VPS26C: variants seen among roughly 807,000 people sequenced by gnomAD.
VPS26C encodes vacuolar protein sorting-associated protein 26C.
A neutral mutation model predicts 30.6 loss-of-function variants in VPS26C; 19 were observed. The ratio of observed to expected loss-of-function variants is 0.62; its 90% CI spans 0.43 to 0.91. The LOEUF (loss-of-function observed/expected upper bound fraction) is 0.91, where lower values mean the gene tolerates loss of function less well. Among genes scored for constraint, VPS26C ranks in the 40% least tolerant of loss-of-function variants. The probability of loss-of-function intolerance (pLI) is 0.00; values close to 1 mark genes in which losing one functional copy is unlikely to be tolerated. For synonymous variants in VPS26C, 132 were observed against 151.5 expected (o/e 0.87, Z 0.95); for missense variants, 318 against 385.1 (o/e 0.83, Z 1.46).
At chr21:37,252,399 T>C (rs568414157) in intron 1 of VPS26C, among the ~76,000 whole-genome samples, 24 of 152,316 alleles carry the variant, frequency 1.6e-4, no homozygotes, top group Admixed American at 7.8e-4. Context: ...CAGATAGTTC[T>C]CCACATGGTA....
At chr21:37,266,003 C>T (rs1016905229) in intron 1 of VPS26C, among the ~76,000 whole-genome samples, 9 of 150,410 alleles carry the variant, frequency 6.0e-5, no homozygotes, top group African/African-American at 2.0e-4. Flanking sequence ...CTGCAGCCTC[C>T]GCCTCCCGGG....
upstream of VPS26C, chr21:37,267,533 G>A: frequency 8.9e-6 from 5 of 564,536 alleles, no homozygotes; most frequent in South Asian, 8.3e-5. Flanking sequence ...GGTTCACCCC[G>A]CCCCCTCTGG....
At position 37,267,289 on chromosome 21, in the gene VPS26C, C is replaced by T; in HGVS notation, c.6G>A (p.Gly2=). The T allele has an allele frequency of 7.1e-7, 1 of 1,403,548 alleles. No individual in the cohort carries two copies. The highest frequency in any genetic ancestry group is 1.5e-5 in the African/African-American group (1 of 67,112). The allele number at this position is 1,403,548 out of a possible 1,614,324, so 86.9% of individuals were successfully genotyped here. Residue 2 remains glycine, a synonymous_variant, in exon 1 of 8, where the codon GGG becomes GGA. Coordinates refer to ENST00000309117, the MANE Select transcript of VPS26C (RefSeq NM_006052.2). M[G]TALDIKIKRA... Reference sequence around the variant, plus strand: ...TTTTAATCTTGATGTCCAGGGCGGTCCCCATCTCCAATTCTCCGCAGCAGC... The same window carrying T: ...TTTTAATCTTGATGTCCAGGGCGGTTCCCATCTCCAATTCTCCGCAGCAGC...
intron 3 of VPS26C, among the ~76,000 whole-genome samples, chr21:37,235,883 T>A (rs925998508): frequency 1.1e-4 from 16 of 146,148 alleles, no homozygotes; most frequent in African/African-American, 3.3e-4. Context: ...ATATATATTT[T>A]TTTTTTTAAT....
chr21:37,234,111 TC>T (rs2085995328), intron 3 of VPS26C, among the ~76,000 whole-genome samples: 4 of 152,308 alleles, frequency 2.6e-5, no homozygotes, highest in Admixed American at 2.6e-4. Context: ...AAGCTCAAGG[TC>T]ACACCTGGTC....
intron 1 of VPS26C, among the ~76,000 whole-genome samples, chr21:37,265,842 G>A (rs2086353479): frequency 6.7e-6 from 1 of 149,148 alleles, no homozygotes; most frequent in African/African-American, 2.5e-5. Flanking sequence ...GTGAAGTGGT[G>A]TTCATTGTTG....
At chr21:37,249,920 T>G (rs1318792038) in intron 1 of VPS26C, among the ~76,000 whole-genome samples, 1 of 152,128 alleles carries the variant, frequency 6.6e-6, no homozygotes, top group African/African-American at 2.4e-5. Flanking sequence ...GAAGCTAATG[T>G]TTGATAAAGG....
At position 37,226,696 on chromosome 21, in the gene VPS26C, G is replaced by A. The variant is rs1182699597; in HGVS notation, c.811+958C>T. 6.6e-6 allele frequency: 1 copy of A among 152,206 alleles called. No individual in the cohort carries two copies. Among genetic ancestry groups the A allele is most frequent in the African/African-American group, 2.4e-5 (1 of 41,452 alleles). 9.4% of individuals were successfully genotyped at this position (152,206 alleles called of 1,614,324 possible). ...TACCCAGGCGCTGCTTAGAGTCCGAGTGAGTTCCAGTCTCGGGCCTGACCG... is the reference window on the plus strand; with the variant it reads ...TACCCAGGCGCTGCTTAGAGTCCGAATGAGTTCCAGTCTCGGGCCTGACCG... On this transcript the variant is annotated intron_variant, in intron 7 of 7. Transcript: ENST00000309117. The surrounding 1 kb of genome is among the most constrained non-coding windows in gnomAD (Gnocchi z 4.1).
chr21:37,250,668 G>A (rs1019591788), intron 1 of VPS26C, among the ~76,000 whole-genome samples: 1 of 152,210 alleles, frequency 6.6e-6, no homozygotes, highest in Admixed American at 6.5e-5. Flanking sequence ...TTGGGAGGCC[G>A]AGGTGGGTGG....
chr21:37,227,166 G>A (rs75023989), intron 7 of VPS26C: 6,961 of 153,730 alleles, frequency 0.045, 412 homozygotes, highest in Admixed American at 0.13. Context: ...GGGTTTTCAC[G>A]GGTCCTGGAC....
intron 1 of VPS26C, among the ~76,000 whole-genome samples, chr21:37,243,771 G>A (rs139661265): frequency 2.5e-4 from 38 of 152,082 alleles, no homozygotes; most frequent in African/African-American, 8.0e-4. Flanking sequence ...AGAGCCAATC[G>A]CCCATCAATG....
At chr21:37,259,821 T>C (rs1444864980) in intron 1 of VPS26C, among the ~76,000 whole-genome samples, 1 of 152,108 alleles carries the variant, frequency 6.6e-6, no homozygotes, top group Non-Finnish European at 1.5e-5. Flanking sequence ...CAAGCACTCA[T>C]TATGCCATTT....
chr21:37,266,444 A>AT (rs2086362829), intron 1 of VPS26C, among the ~76,000 whole-genome samples: 1 of 152,152 alleles, frequency 6.6e-6, no homozygotes, highest in South Asian at 2.1e-4. Flanking sequence ...AGCTGCACAT[A>AT]TATCACCGGT....
intron 5 of VPS26C, 98 bp from the exon 6 acceptor site, chr21:37,228,471 T>C (rs570119169): frequency 9.5e-6 from 13 of 1,363,050 alleles, no homozygotes; most frequent in Non-Finnish European, 1.3e-5. Context: ...AGTTGGATAG[T>C]GGTTACACAG....
At chr21:37,243,885 C>T (rs1013392255) in intron 1 of VPS26C, among the ~76,000 whole-genome samples, 2 of 152,214 alleles carry the variant, frequency 1.3e-5, no homozygotes, top group Non-Finnish European at 2.9e-5. Context: ...CACAGGGGAA[C>T]GGAGTTCATA....
rs2085975930 is a variant in VPS26C at position 37,232,470 on chromosome 21, C to T, written c.433-19G>A. On this transcript the variant is annotated intron_variant, in intron 4 of 7. Coordinates refer to ENST00000309117, the MANE Select transcript of VPS26C (RefSeq NM_006052.2). The stretch of plus-strand genomic sequence containing the variant: ...TCTGAGGCTAAAACGAGAGGTGAAA[C>T]CGAAATCAGTAGGTGAAGGCCAAGA... The T allele has an allele frequency of 6.2e-7, 1 of 1,608,708 alleles. No homozygotes were observed. Among genetic ancestry groups the T allele is most frequent in the Admixed American group, 1.7e-5 (1 of 59,984 alleles).
chr21:37,254,214 A>G (rs1178956590), intron 1 of VPS26C, among the ~76,000 whole-genome samples: 1 of 152,256 alleles, frequency 6.6e-6, no homozygotes, highest in African/African-American at 2.4e-5. Context: ...GAGTGAAATC[A>G]TGTATGAATC....
At chr21:37,267,526 T>G (rs1413915472), upstream of VPS26C, 1 of 573,670 alleles carries the variant, frequency 1.7e-6, no homozygotes, top group Non-Finnish European at 3.1e-6. Flanking sequence ...CTGTCACGGT[T>G]CACCCCGCCC....
intron 1 of VPS26C, among the ~76,000 whole-genome samples, chr21:37,248,067 C>T (rs992641989): frequency 6.6e-6 from 1 of 152,034 alleles, no homozygotes; most frequent in African/African-American, 2.4e-5. Flanking sequence ...ACTTGTAAAG[C>T]AAAAACTACA....
Sources: gnomAD v4.1 joint callset for allele counts (sites outside exome capture counted in the v4.1 genomes callset) on GRCh38, gnomAD v4.1.1 for gene constraint, Gnocchi (gnomAD v3.1) non-coding constraint, MANE v1.5 for transcripts, NCBI Gene and HGNC (gene_info 2026-07-23, HGNC 2026-07-21) for gene names.